The following MYCBP2 variants were observed in gnomAD, a reference collection of about 807,000 sequenced individuals.
MYCBP2 encodes MYC binding protein 2.
Under a neutral mutation model 525.3 loss-of-function variants are expected in MYCBP2, and 120 were observed. The observed-to-expected ratio is 0.23, with a 90% CI of 0.20 to 0.27. The LOEUF (loss-of-function observed/expected upper bound fraction) is 0.27. MYCBP2 is among the 10% of genes least tolerant of loss of function. MYCBP2 has a pLI of 1.00. For synonymous variants in MYCBP2, 1,894 were observed against 1,955.8 expected, an observed-to-expected ratio of 0.97 and a Z score of 0.83; for missense variants, 4,149 against 5,657.1, an observed-to-expected ratio of 0.73 and a Z score of 8.55.
At chr13:77,057,145 T>C (rs374736886) in intron 78 of MYCBP2, 52 bp from the exon 79 acceptor site, 7 of 1,277,914 alleles carry the variant, frequency 5.5e-6, no homozygotes, top group Admixed American at 3.4e-5. Flanking sequence ...TGATAAACAG[T>C]TGAGTGACTG....
chr13:77,263,601 G>GA (rs1567091088), intron 10 of MYCBP2, 50 bp downstream of exon 10: 1 of 1,511,360 alleles, frequency 6.6e-7, no homozygotes, highest in Non-Finnish European at 9.1e-7. Flanking sequence ...TTAAGAGTAT[G>GA]AAAAATTGAA....
At chr13:77,292,364 C>T (rs1055265947) in intron 2 of MYCBP2, among the ~76,000 whole-genome samples, 2 of 151,842 alleles carry the variant, frequency 1.3e-5, no homozygotes, top group Admixed American at 1.3e-4. Flanking sequence ...AAGGAAAAAC[C>T]ACCTAAACAT....
chr13:77,299,032 T>C (rs1389294368), intron 1 of MYCBP2, among the ~76,000 whole-genome samples: 1 of 152,212 alleles, frequency 6.6e-6, no homozygotes, highest in Non-Finnish European at 1.5e-5. Context: ...AACTTTCCTT[T>C]ATATTAAAGA....
intron 76 of MYCBP2, among the ~76,000 whole-genome samples, chr13:77,060,702 AT>A (rs1362121623): frequency 6.6e-6 from 1 of 152,218 alleles, no homozygotes; most frequent in Non-Finnish European, 1.5e-5. Context: ...AAACAGTACC[AT>A]TCACAACACC....
intron 6 of MYCBP2, 41 bp downstream of exon 6, chr13:77,270,255 A>G (rs2074690144): frequency 6.4e-7 from 1 of 1,569,984 alleles, no homozygotes; most frequent in African/African-American, 1.4e-5. Flanking sequence ...CATTATGGTT[A>G]TAACTCTGTA....
chr13:77,048,931 T>G (rs529769977), intron 82 of MYCBP2, among the ~76,000 whole-genome samples: 18 of 152,332 alleles, frequency 1.2e-4, no homozygotes, highest in Middle Eastern at 3.4e-3. Flanking sequence ...GAGGAAACTT[T>G]AAGTAAAATC....
intron 40 of MYCBP2, among the ~76,000 whole-genome samples, chr13:77,167,461 A>G (rs2058673735): frequency 6.6e-6 from 1 of 152,160 alleles, no homozygotes; most frequent in Non-Finnish European, 1.5e-5. Context: ...AGTTTCTTCA[A>G]CAAATAGAAC....
In MYCBP2 at chr13:77,326,563, C is replaced by A. The variant is rs748294854; in HGVS notation, c.213G>T (p.Arg71=). The A allele has an allele frequency of 3.1e-6, 5 of 1,598,182 alleles. No homozygotes were observed. In the Admixed American group the frequency reaches 8.5e-5, roughly 27 times the overall value. Residue 71 remains arginine, a synonymous_variant, in exon 1 of 83, where the codon CGG becomes CGT. Transcript: ENST00000544440. The surrounding 1 kb of genome is among the most constrained non-coding windows in gnomAD (Gnocchi z 4.2). ...RGHYQLLLSG[R]ALADRYRRIY... ...TCCTCCGGTAGCGGTCGGCCAGGGC[C>A]CGGCCTGACAGCAGCAGCTGGTAGT...
At chr13:77,087,127 T>G (rs2044451899) in intron 62 of MYCBP2, among the ~76,000 whole-genome samples, 1 of 152,184 alleles carries the variant, frequency 6.6e-6, no homozygotes, top group African/African-American at 2.4e-5. Flanking sequence ...CCTTGGAAAT[T>G]AACCTAAAAT....
rs183763961 is a variant in MYCBP2 at position 77,045,663 on chromosome 13, C to G, written c.13922-170G>C. On this transcript the variant is annotated intron_variant, in intron 82 of 82. Transcript: ENST00000544440. ...TCTGATCACAAAAGTAAAAAATGTT[C>G]ACTATAAAAAATTCAACACAGATAT... Among the ~76,000 whole-genome samples the G allele has an allele frequency of 1.3e-3, 192 of 152,188 alleles. 4 individuals are homozygous for G. The highest frequency in any genetic ancestry group is 0.012 in the Admixed American group (191 of 15,284).
Position 77,140,144 on chromosome 13 carries a change from T to C in MYCBP2, c.7421A>G (p.Lys2474Arg). The C allele has an allele frequency of 1.2e-6, 2 of 1,603,784 alleles. No individual in the cohort carries two copies. The highest frequency in any genetic ancestry group is 2.7e-5 in the African/African-American group (2 of 74,666). The change falls in exon 51 of 83, where the codon AAG becomes AGG. Residue 2474 changes from lysine (K) to arginine (R), a missense_variant. This residue lies in a region of MYCBP2 where 692 missense variants were observed against 852.7 expected (regional missense o/e 0.81). Transcript: ENST00000544440. ...QPNKVRKFVA[K>R]DSAGLRIRSH... Reference sequence around the variant, plus strand: ...ACGGATGCGAAGCCCCGCACTGTCCTTGGCCACAAATTTTCGAACCTGAGA... The same window carrying C: ...ACGGATGCGAAGCCCCGCACTGTCCCTGGCCACAAATTTTCGAACCTGAGA...
At chr13:77,233,862 G>C (rs986513889) in intron 17 of MYCBP2, among the ~76,000 whole-genome samples, 1 of 146,660 alleles carries the variant, frequency 6.8e-6, no homozygotes, top group African/African-American at 2.5e-5. Context: ...TATACACACA[G>C]AGAGAGAGAG....
At chr13:77,290,441 A>G (rs901738784) in intron 2 of MYCBP2, among the ~76,000 whole-genome samples, 1 of 152,246 alleles carries the variant, frequency 6.6e-6, no homozygotes, top group Admixed American at 6.5e-5. Context: ...CTTTTAAAAT[A>G]GTCAAAAGCT....
intron 14 of MYCBP2, among the ~76,000 whole-genome samples, chr13:77,256,105 G>C (rs1428190859): frequency 2.0e-5 from 3 of 152,016 alleles, no homozygotes; most frequent in African/African-American, 4.8e-5. Context: ...TTGGAGCAAA[G>C]GATATTGTGA....
chr13:77,112,473 G>C (rs2048997274), intron 55 of MYCBP2, among the ~76,000 whole-genome samples: 1 of 150,824 alleles, frequency 6.6e-6, no homozygotes, highest in African/African-American at 2.4e-5. Context: ...GCTCAGGCTA[G>C]AGTGGGGTGG....
At chr13:77,201,095 G>A (rs1356626042) in intron 26 of MYCBP2, among the ~76,000 whole-genome samples, 1 of 152,136 alleles carries the variant, frequency 6.6e-6, no homozygotes, top group Non-Finnish European at 1.5e-5. Flanking sequence ...GACACAGACT[G>A]GCACATTGGG....
intron 26 of MYCBP2, among the ~76,000 whole-genome samples, chr13:77,200,561 G>C (rs1002078292): frequency 5.9e-5 from 9 of 152,094 alleles, no homozygotes; most frequent in Non-Finnish European, 2.9e-5. Flanking sequence ...GATACTCCTT[G>C]AGAAGAGCAA....
chr13:77,067,614 G>A lies in MYCBP2; in HGVS notation c.12422C>T (p.Thr4141Ile). 6.2e-7 allele frequency: 1 copy of A among 1,614,134 alleles called. No homozygotes were observed. The highest frequency in any genetic ancestry group is 8.5e-7 in the Non-Finnish European group (1 of 1,179,990). The change falls in exon 71 of 83, where the codon ACA (threonine) becomes ATA (isoleucine). Residue 4141 changes from threonine (T) to isoleucine (I), a missense_variant. Physicochemically the swap from Thr to Ile is moderately conservative, Grantham distance 89. Coordinates refer to ENST00000544440, the MANE Select transcript of MYCBP2 (RefSeq NM_015057.5). Reference sequence around the variant, plus strand: ...GAAAATCATCGGAAGAGTAACTGTTGTAACTCCTTTGCCCACAGTGGTACC... The same window carrying A: ...GAAAATCATCGGAAGAGTAACTGTTATAACTCCTTTGCCCACAGTGGTACC... ...TAGTTVGKGVTTVTLPMIFNS... is the reference protein window; with the variant it reads ...TAGTTVGKGVITVTLPMIFNS...
chr13:77,064,479 T>G lies in MYCBP2; in HGVS notation c.12672+136A>C. On this transcript the variant is annotated intron_variant, in intron 73 of 82. Transcript: ENST00000544440. ...ATAATATAAAAGCCCTTTATACTTT[T>G]TCAATAAATACGGTATTTGGTTAAA... 3 of 1,005,466 alleles carry G rather than the reference T, an allele frequency of 3.0e-6. No homozygotes were observed. In the South Asian group the frequency reaches 5.5e-5, roughly 18 times the overall value. 62.3% of individuals were successfully genotyped at this position (1,005,466 alleles called of 1,614,324 possible).
Sources: gnomAD v4.1 joint callset for allele counts (sites outside exome capture counted in the v4.1 genomes callset) on GRCh38, gnomAD v4.1.1 for gene constraint, gnomAD v4.1.1 regional missense constraint, Gnocchi (gnomAD v3.1) non-coding constraint, MANE v1.5 for transcripts, NCBI Gene and HGNC (gene_info 2026-07-23, HGNC 2026-07-21) for gene names.